The following ADAMTS20 variants were observed in gnomAD, a reference collection of about 807,000 sequenced individuals.
ADAMTS20 encodes A disintegrin and metalloproteinase with thrombospondin motifs 20.
Under a neutral mutation model 260.1 loss-of-function variants are expected in ADAMTS20, and 225 were observed. That is an observed-to-expected ratio of 0.87 (90% CI 0.78 to 0.97). The LOEUF is 0.97. ADAMTS20 is among the 50% of genes least tolerant of loss of function. The pLI, the probability that ADAMTS20 is intolerant of heterozygous loss-of-function variation, is 0.00. For synonymous variants in ADAMTS20, 802 were observed against 769.5 expected (o/e 1.04, Z -0.70); for missense variants, 2,400 against 2,337.7 (o/e 1.03, Z -0.55).
chr12:43,550,939 G>T lies in ADAMTS20; in HGVS notation c.423C>A (p.Tyr141Ter). The change falls in exon 2 of 39, where the codon TAC (tyrosine) becomes TAA (stop). Residue 141 changes from tyrosine (Y) to a stop codon, truncating the protein, a stop_gained. Transcript: ENST00000389420. LOFTEE classifies it high-confidence loss of function. ...YRGQVNSQED[Y>*]KAVVSLCGGL... ...CTCCGCATAAGCTGACGACGGCCTT[G>T]TAATCCTCCTGTGAGTTGACCTGGC... 4 of 1,584,652 alleles carry T rather than the reference G, an allele frequency of 2.5e-6. No homozygotes were observed. Among genetic ancestry groups the T allele is most frequent in the Non-Finnish European group, 3.4e-6 (4 of 1,161,766 alleles).
intron 37 of ADAMTS20, among the ~76,000 whole-genome samples, chr12:43,362,256 C>T (rs1233616050): frequency 6.6e-6 from 1 of 152,118 alleles, no homozygotes; most frequent in African/African-American, 2.4e-5. Flanking sequence ...TTTTAGATTA[C>T]ACATCCTTGA....
intron 28 of ADAMTS20, among the ~76,000 whole-genome samples, chr12:43,418,524 G>A (rs1941173922): frequency 6.6e-6 from 1 of 152,116 alleles, no homozygotes; most frequent in South Asian, 2.1e-4. Flanking sequence ...TGGCCAGGAT[G>A]GTCTCAATCT....
At position 43,428,530 on chromosome 12, in the gene ADAMTS20, C is replaced by A. The variant is rs765176491; in HGVS notation, c.3656G>T (p.Cys1219Phe). The change falls in exon 26 of 39, where the codon TGT (cysteine) becomes TTT (phenylalanine). Residue 1219 changes from cysteine (C) to phenylalanine (F), a missense_variant and splice_region_variant. Transcript: ENST00000389420. ...TTTTCCATGGCCACAGGAAGCTGAA[C>A]ACTGATCAAAAATTTAGCCAATGGT... ...GEWQAGDWSP[C>F]SASCGHGKTT... 6.2e-7 allele frequency: 1 copy of A among 1,608,724 alleles called. No homozygotes were observed. The highest frequency in any genetic ancestry group is 1.1e-5 in the South Asian group (1 of 90,224).
intron 28 of ADAMTS20, among the ~76,000 whole-genome samples, chr12:43,416,297 A>G (rs899622662): frequency 2.0e-5 from 3 of 151,974 alleles, no homozygotes; most frequent in African/African-American, 7.2e-5. Context: ...CTGATATTTT[A>G]TGATGAGAAT....
At chr12:43,373,808 T>C (rs1940160578) in intron 36 of ADAMTS20, among the ~76,000 whole-genome samples, 1 of 148,676 alleles carries the variant, frequency 6.7e-6, no homozygotes, top group African/African-American at 2.5e-5. Flanking sequence ...GCCTCCCAAG[T>C]AGCTGGGACT....
At chr12:43,437,275 A>C (rs1941575286) in intron 18 of ADAMTS20, among the ~76,000 whole-genome samples, 2 of 152,272 alleles carry the variant, frequency 1.3e-5, no homozygotes, top group South Asian at 4.1e-4. Context: ...ATAAATTAGA[A>C]AAGAAATATC....
intron 2 of ADAMTS20, among the ~76,000 whole-genome samples, chr12:43,544,314 GGT>G (rs1943414697): frequency 6.6e-6 from 1 of 152,164 alleles, no homozygotes; most frequent in African/African-American, 2.4e-5. Flanking sequence ...GAATGACTGA[GGT>G]AAAGATGAGC....
At chr12:43,434,921 T>A (rs1297717575) in intron 18 of ADAMTS20, among the ~76,000 whole-genome samples, 1 of 151,992 alleles carries the variant, frequency 6.6e-6, no homozygotes, top group South Asian at 2.1e-4. Flanking sequence ...CTCCAGAACA[T>A]CATTTCCCAG....
At chr12:43,459,795 C>T (rs1942028032) in intron 11 of ADAMTS20, among the ~76,000 whole-genome samples, 1 of 152,068 alleles carries the variant, frequency 6.6e-6, no homozygotes, top group Non-Finnish European at 1.5e-5. Flanking sequence ...TCATAATGTA[C>T]TATGTGCGTG....
intron 2 of ADAMTS20, among the ~76,000 whole-genome samples, chr12:43,536,254 A>G (rs1943293583): frequency 6.6e-6 from 1 of 152,126 alleles, no homozygotes; most frequent in Admixed American, 6.6e-5. Flanking sequence ...CAAGATATGA[A>G]CCCAAATACT....
intron 16 of ADAMTS20, among the ~76,000 whole-genome samples, chr12:43,442,975 G>A (rs2137331460): frequency 6.6e-6 from 1 of 152,276 alleles, no homozygotes. Context: ...TGGCTTTATA[G>A]TTCCAAATGC....
chr12:43,408,103 C>A (rs1037185923), intron 28 of ADAMTS20, among the ~76,000 whole-genome samples: 2 of 152,108 alleles, frequency 1.3e-5, no homozygotes, highest in Admixed American at 1.3e-4. Flanking sequence ...CAAATCTTGT[C>A]TATTTTTAAC....
chr12:43,542,341 C>A (rs1228275777), intron 2 of ADAMTS20, among the ~76,000 whole-genome samples: 1 of 152,094 alleles, frequency 6.6e-6, no homozygotes, highest in East Asian at 1.9e-4. Flanking sequence ...TATTCTGAAG[C>A]AATATTACTT....
chr12:43,453,070 G>A (rs1276717008), intron 12 of ADAMTS20, among the ~76,000 whole-genome samples: 1 of 152,118 alleles, frequency 6.6e-6, no homozygotes, highest in South Asian at 2.1e-4. Context: ...AAATAAAAAG[G>A]AAATGTATAC....
rs1941470007 is a variant in ADAMTS20, at chr12:43,432,659, T to C, written c.2873A>G (p.Gln958Arg). Residue 958 changes from glutamine to arginine, a missense_variant, in exon 20 of 39, where the codon CAA (glutamine) becomes CGA (arginine). Gln to Arg is a conservative substitution (Grantham distance 43, BLOSUM62 1). Transcript: ENST00000389420. ...GACACAGTTACCATGGCATAGTTCT[T>C]GGGTAGGAGGTTTAAGCTGGTCACC... ...YCGDQLKPPT[Q>R]ELCHGNCVFT... 3.1e-6 allele frequency: 5 copies of C among 1,613,984 alleles called. No homozygotes were observed. The highest frequency in any genetic ancestry group is 4.2e-6 in the Non-Finnish European group (5 of 1,179,864).
intron 2 of ADAMTS20, among the ~76,000 whole-genome samples, chr12:43,549,984 C>G (rs1001043902): frequency 3.3e-5 from 5 of 152,188 alleles, no homozygotes; most frequent in African/African-American, 1.2e-4. Context: ...ATCTGCTAAA[C>G]AAAAGCTAGA....
rs1391276457 is a variant in ADAMTS20, at chr12:43,383,725, A to G, written c.4630T>C (p.Ser1544Pro). 1 of 1,613,686 alleles carries G rather than the reference A, an allele frequency of 6.2e-7. No homozygotes were observed. The highest frequency in any genetic ancestry group is 2.2e-5 in the East Asian group (1 of 44,896). ...GAATCTTTTCTCTCACATGATGTTG[A>G]ACACTAGAAATGCAATAACCAAATG... Reference protein sequence around the residue: ...KGMERGRLNCSTSCERKDSHQ... With the variant: ...KGMERGRLNCPTSCERKDSHQ... Residue 1544 changes from serine to proline, a missense_variant, in exon 31 of 39, where the codon TCA (serine) becomes CCA (proline). By Grantham distance (74) the Ser-to-Pro change is moderately conservative (BLOSUM62 -1). Transcript: ENST00000389420.
chr12:43,461,377 C>T (rs1565558699), intron 11 of ADAMTS20, among the ~76,000 whole-genome samples: 1 of 152,034 alleles, frequency 6.6e-6, no homozygotes, highest in Non-Finnish European at 1.5e-5. Flanking sequence ...TAAAATCCAT[C>T]AAATTGTATA....
intron 29 of ADAMTS20, among the ~76,000 whole-genome samples, chr12:43,395,616 G>A (rs962074261): frequency 1.3e-5 from 2 of 150,998 alleles, no homozygotes; most frequent in Non-Finnish European, 2.9e-5. Flanking sequence ...CTCAAAGAAG[G>A]TGTAAGCAGC....
Sources: allele counts gnomAD v4.1 joint callset (sites outside exome capture counted in the v4.1 genomes callset), GRCh38; gene constraint gnomAD v4.1.1; transcripts MANE v1.5; gene names NCBI Gene and HGNC (gene_info 2026-07-23, HGNC 2026-07-21).